KCNQ3: variants seen among roughly 807,000 people sequenced by gnomAD.
KCNQ3 encodes potassium voltage-gated channel subfamily Q member 3, also known as potassium voltage-gated channel subfamily KQT member 3.
A neutral mutation model predicts 92.5 loss-of-function variants in KCNQ3; 30 were observed. The ratio of observed to expected loss-of-function variants is 0.32; its 90% CI spans 0.24 to 0.44. KCNQ3 has a LOEUF of 0.44. KCNQ3 is among the 20% of genes least tolerant of loss of function. KCNQ3 has a pLI of 1.00. For synonymous variants in KCNQ3, 450 were observed against 468.8 expected, an observed-to-expected ratio of 0.96 and a Z score of 0.52; for missense variants, 913 against 1,140.3, an observed-to-expected ratio of 0.80 and a Z score of 2.87.
chr8:132,338,172 C>A (rs1287011108), intron 1 of KCNQ3, among the ~76,000 whole-genome samples: 1 of 152,198 alleles, frequency 6.6e-6, no homozygotes, highest in Non-Finnish European at 1.5e-5. Flanking sequence ...TTAATTCTCA[C>A]AATGGCCCTG....
intron 1 of KCNQ3, among the ~76,000 whole-genome samples, chr8:132,339,958 T>TA (rs879480573): frequency 9.4e-4 from 121 of 128,810 alleles, no homozygotes; most frequent in East Asian, 3.8e-3. Context: ...GCAACAAACA[T>TA]AAAAAAAAAA....
intron 9 of KCNQ3, among the ~76,000 whole-genome samples, chr8:132,162,556 C>T (rs1391322025): frequency 6.6e-6 from 1 of 152,142 alleles, no homozygotes; most frequent in African/African-American, 2.4e-5. Context: ...TGTCCTGACA[C>T]CATTACTGTC....
At chr8:132,290,589 G>A (rs1241135389) in intron 1 of KCNQ3, among the ~76,000 whole-genome samples, 2 of 152,154 alleles carry the variant, frequency 1.3e-5, no homozygotes, top group Non-Finnish European at 2.9e-5. Flanking sequence ...CATTGGAGAT[G>A]GAGAAGTAAA....
At chr8:132,333,054 TGGATGGAA>T (rs1437094888) in intron 1 of KCNQ3, among the ~76,000 whole-genome samples, 1 of 151,264 alleles carries the variant, frequency 6.6e-6, no homozygotes, top group Non-Finnish European at 1.5e-5. Flanking sequence ...GATGGATGGA[TGGATGGAA>T]GATGAACAAA....
At chr8:132,265,665 C>A (rs986921870) in intron 1 of KCNQ3, among the ~76,000 whole-genome samples, 1 of 152,158 alleles carries the variant, frequency 6.6e-6, no homozygotes, top group East Asian at 1.9e-4. Context: ...CAGTGAAACA[C>A]GTAAATTGTT....
chr8:132,241,604 C>T (rs758775702), intron 1 of KCNQ3, among the ~76,000 whole-genome samples: 1 of 152,074 alleles, frequency 6.6e-6, no homozygotes, highest in Admixed American at 6.5e-5. Context: ...GAGGCCGAGG[C>T]GGGCAGATCA....
intron 12 of KCNQ3, among the ~76,000 whole-genome samples, chr8:132,136,898 C>G (rs1032273750): frequency 2.3e-5 from 3 of 133,062 alleles, no homozygotes; most frequent in Non-Finnish European, 3.1e-5. Flanking sequence ...CAGTCTCACT[C>G]TGTCACCCAG....
At chr8:132,296,621 T>C (rs904227136) in intron 1 of KCNQ3, among the ~76,000 whole-genome samples, 4 of 151,238 alleles carry the variant, frequency 2.6e-5, no homozygotes, top group African/African-American at 4.9e-5. Flanking sequence ...TTCCCACCTA[T>C]GAGTGAGAAT....
intron 1 of KCNQ3, among the ~76,000 whole-genome samples, chr8:132,414,125 G>T (rs763548496): frequency 2.0e-4 from 31 of 152,210 alleles, no homozygotes; most frequent in Non-Finnish European, 3.1e-4. Flanking sequence ...AATACACGCT[G>T]TTGGGAGCTT....
At chr8:132,299,050 G>C (rs1392518597) in intron 1 of KCNQ3, among the ~76,000 whole-genome samples, 1 of 151,466 alleles carries the variant, frequency 6.6e-6, no homozygotes, top group Non-Finnish European at 1.5e-5. Flanking sequence ...CTGCTATTTA[G>C]ATAACTGTTC....
chr8:132,135,991 C>T (rs1163618650), intron 12 of KCNQ3, among the ~76,000 whole-genome samples: 1 of 151,846 alleles, frequency 6.6e-6, no homozygotes, highest in East Asian at 1.9e-4. Flanking sequence ...TGGTGGCACA[C>T]GCCTCTAGTC....
At chr8:132,347,977 TAAAA>T (rs5895138) in intron 1 of KCNQ3, among the ~76,000 whole-genome samples, 3 of 78,098 alleles carry the variant, frequency 3.8e-5, no homozygotes, top group African/African-American at 9.6e-5. Flanking sequence ...AGACTCCATC[TAAAA>T]AAAAAAAAAA....
intron 1 of KCNQ3, among the ~76,000 whole-genome samples, chr8:132,456,284 G>A (rs1291794054): frequency 6.6e-6 from 1 of 152,190 alleles, no homozygotes; most frequent in Non-Finnish European, 1.5e-5. Flanking sequence ...TGTGCAGCCT[G>A]GGGAGGGGTC....
At chr8:132,377,065 A>G (rs2721917) in intron 1 of KCNQ3, among the ~76,000 whole-genome samples, 45,881 of 152,088 alleles carry the variant, frequency 0.3, 7,114 homozygotes, top group East Asian at 0.37. Context: ...CAGCTGGTAA[A>G]ACATAATTTC....
rs1460300176 is a variant in KCNQ3 at position 132,425,912 on chromosome 8, T to C, written c.386+54235A>G. On this transcript the variant is annotated intron_variant, in intron 1 of 14. Coordinates refer to ENST00000388996, the MANE Select transcript of KCNQ3 (RefSeq NM_004519.4). ...TTCTAAGACAAAGCCTGAATTAATTTAGAATATTTTGGTTCTCCCAACCAC... is the reference window on the plus strand; with the variant it reads ...TTCTAAGACAAAGCCTGAATTAATTCAGAATATTTTGGTTCTCCCAACCAC... 2.6e-5 allele frequency among the ~76,000 whole-genome samples: 4 copies of C among 152,264 alleles called. No homozygotes were observed. The East Asian group carries it at 7.7e-4, about 29-fold the overall frequency.
At chr8:132,158,557 G>T (rs1586782997) in intron 9 of KCNQ3, among the ~76,000 whole-genome samples, 1 of 152,254 alleles carries the variant, frequency 6.6e-6, no homozygotes, top group African/African-American at 2.4e-5. Flanking sequence ...GACTGACTAG[G>T]TAACTGTTCC....
At chr8:132,337,384 C>A (rs1255935451) in intron 1 of KCNQ3, among the ~76,000 whole-genome samples, 2 of 152,074 alleles carry the variant, frequency 1.3e-5, no homozygotes, top group Admixed American at 1.3e-4. Context: ...GTAGTGCCAG[C>A]TACTCAGGGG....
Position 132,298,672 on chromosome 8 carries a change from C to G in KCNQ3, c.387-112491G>C, listed in dbSNP as rs888946019. On this transcript the variant is annotated intron_variant, in intron 1 of 14. Coordinates refer to ENST00000388996, the MANE Select transcript of KCNQ3 (RefSeq NM_004519.4). Reference sequence around the variant, plus strand: ...CCTGCAATCCCAGCACTTTGGGAGGCCAAGGCAGGCGATCACCTGAGGTCA... The same window carrying G: ...CCTGCAATCCCAGCACTTTGGGAGGGCAAGGCAGGCGATCACCTGAGGTCA... 2.0e-5 allele frequency among the ~76,000 whole-genome samples: 3 copies of G among 152,156 alleles called. No individual in the cohort carries two copies. In the East Asian group the frequency reaches 5.8e-4, roughly 29 times the overall value.
chr8:132,403,016 C>CCAAA (rs1554651756), intron 1 of KCNQ3, among the ~76,000 whole-genome samples: 1 of 67,632 alleles, frequency 1.5e-5, no homozygotes, highest in Middle Eastern at 0.012. Flanking sequence ...GGCACCATCA[C>CCAAA]AAAAAAAAAA....
Sources: allele counts gnomAD v4.1 joint callset (sites outside exome capture counted in the v4.1 genomes callset), GRCh38; gene constraint gnomAD v4.1.1; transcripts MANE v1.5; gene names NCBI Gene and HGNC (gene_info 2026-07-23, HGNC 2026-07-21).